Variants in PRKDC observed in about 807,000 individuals in gnomAD.
The protein encoded by PRKDC is protein kinase, DNA-activated, catalytic subunit, also known as DNA-dependent protein kinase catalytic subunit.
In PRKDC, 82 loss-of-function variants were observed where a neutral mutation model predicts 486.9. That is an observed-to-expected ratio of 0.17 (90% CI 0.14 to 0.20). PRKDC has a LOEUF of 0.20. Among genes scored for constraint, PRKDC ranks in the 10% least tolerant of loss-of-function variants. The pLI, the probability that PRKDC is intolerant of heterozygous loss-of-function variation, is 1.00. For missense variants in PRKDC, 4,504 were observed against 5,038.2 expected, an observed-to-expected ratio of 0.89 and a Z score of 3.21; for synonymous variants, 1,895 against 1,837.0, an observed-to-expected ratio of 1.03 and a Z score of -0.81.
At chr8:47,850,791 T>C (rs2088385688) in intron 52 of PRKDC, among the ~76,000 whole-genome samples, 1 of 151,968 alleles carries the variant, frequency 6.6e-6, no homozygotes, top group South Asian at 2.1e-4. Context: ...GTGGGAAGAG[T>C]GCGAGCCTCT....
chr8:47,880,171 C>T (rs1382115610), intron 38 of PRKDC, among the ~76,000 whole-genome samples: 1 of 152,120 alleles, frequency 6.6e-6, no homozygotes, highest in East Asian at 1.9e-4. Context: ...TTGACTCTTA[C>T]CCAGGCTAGT....
At chr8:47,905,365 A>G (rs905755967) in intron 25 of PRKDC, among the ~76,000 whole-genome samples, 1 of 152,168 alleles carries the variant, frequency 6.6e-6, no homozygotes, top group Non-Finnish European at 1.5e-5. Context: ...TCCATGATGA[A>G]GAGTCCAGCA....
intron 13 of PRKDC, 48 bp from the exon 14 acceptor site, chr8:47,935,106 G>T: frequency 8.0e-7 from 1 of 1,243,374 alleles, no homozygotes. Context: ...CTGAAAAACA[G>T]AATCAAAACT....
At chr8:47,819,710 A>G (rs1308493932) in intron 66 of PRKDC, among the ~76,000 whole-genome samples, 200 bp from the exon 67 acceptor site, 1 of 152,164 alleles carries the variant, frequency 6.6e-6, no homozygotes, top group African/African-American at 2.4e-5. Flanking sequence ...TAAGGTTTCA[A>G]TAACATTTTG....
intron 11 of PRKDC, 99 bp downstream of exon 11, chr8:47,939,452 T>G (rs1471562238): frequency 7.5e-7 from 1 of 1,342,126 alleles, no homozygotes; most frequent in Admixed American, 2.0e-5. Context: ...TCTACTGTAT[T>G]GTTACAAGTA....
intron 7 of PRKDC, among the ~76,000 whole-genome samples, chr8:47,952,314 G>A (rs901729247): frequency 3.9e-5 from 6 of 152,180 alleles, no homozygotes; most frequent in Admixed American, 3.3e-4. Flanking sequence ...GACATATCAG[G>A]ATATGGACAA....
Position 47,807,325 on chromosome 8 carries a change from A to T in PRKDC, c.9559T>A (p.Cys3187Ser). 6.5e-7 allele frequency: 1 copy of T among 1,542,610 alleles called. No homozygotes were observed. The highest frequency in any genetic ancestry group is 8.7e-7 in the Non-Finnish European group (1 of 1,143,140). The change falls in exon 69 of 86, where the codon TGT becomes AGT. Residue 3187 changes from cysteine to serine, a missense_variant and splice_region_variant. Coordinates refer to ENST00000314191, the MANE Select transcript of PRKDC (RefSeq NM_006904.7). ...NIWDDIITNR[C>S]FFLSKIEEKL... Reference sequence around the variant, plus strand: ...TCCTCTATTTTGCTGAGAAAGAAACATCTACACAAAGAAAAATGAGACAAT... The same window carrying T: ...TCCTCTATTTTGCTGAGAAAGAAACTTCTACACAAAGAAAAATGAGACAAT...
chr8:47,881,549 CATTTGT>C (rs1563782667), intron 37 of PRKDC, 29 bp from the exon 38 acceptor site: 2 of 1,142,654 alleles, frequency 1.8e-6, no homozygotes. Context: ...AAACAGGACA[CATTTGT>C]ATATTACATC....
Position 47,885,800 on chromosome 8 carries a change from G to A in PRKDC, c.4776+144C>T, listed in dbSNP as rs8178105. On this transcript the variant is annotated intron_variant, in intron 36 of 85. Coordinates refer to ENST00000314191, the MANE Select transcript of PRKDC (RefSeq NM_006904.7). ...CCAGCTACTCGGGAGGCTGAGGCAGGAGAATCGCTTCAATCTGGGATGCAG... is the reference window on the plus strand; with the variant it reads ...CCAGCTACTCGGGAGGCTGAGGCAGAAGAATCGCTTCAATCTGGGATGCAG... 0.017 allele frequency: 12,950 copies of A among 746,616 alleles called. 151 individuals carry two copies. Among genetic ancestry groups the A allele is most frequent in the Non-Finnish European group, 0.022 (10,271 of 465,520 alleles). The allele number at this position is 746,616 out of a possible 1,614,324, so 46.2% of individuals were successfully genotyped here.
chr8:47,919,580 G>T (rs989791853), intron 21 of PRKDC, among the ~76,000 whole-genome samples: 1 of 152,184 alleles, frequency 6.6e-6, no homozygotes, highest in African/African-American at 2.4e-5. Context: ...ACTCCAGCAA[G>T]TCTTCTCTTG....
Position 47,782,486 on chromosome 8 carries a change from C to T in PRKDC, c.11288G>A (p.Arg3763His), listed in dbSNP as rs771587412. 6.9e-5 allele frequency: 109 copies of T among 1,581,700 alleles called. No homozygotes were observed. Among genetic ancestry groups the T allele is most frequent in the Admixed American group, 1.3e-4 (7 of 55,078 alleles). The change falls in exon 79 of 86, where the codon CGC (arginine) becomes CAC (histidine). Residue 3763 changes from arginine to histidine, a missense_variant. Physicochemically the swap from Arg to His is conservative, Grantham distance 29. This residue lies in a region of PRKDC where 706 missense variants were observed against 945.0 expected (regional missense o/e 0.75). Coordinates refer to ENST00000314191, the MANE Select transcript of PRKDC (RefSeq NM_006904.7). The surrounding 1 kb of genome is among the most constrained non-coding windows in gnomAD (Gnocchi z 4.9). ...CATGACCTGGAAGAGCTGCTCCACG[C>T]GCTGGTCCTGCCGCAGGTCCTCGCC... Reference protein sequence around the residue: ...KGGEDLRQDQRVEQLFQVMNG... With the variant: ...KGGEDLRQDQHVEQLFQVMNG...
chr8:47,823,781 T>G (rs2087662342), intron 64 of PRKDC, 77 bp downstream of exon 64: 1 of 1,532,354 alleles, frequency 6.5e-7, no homozygotes, highest in African/African-American at 1.4e-5. Context: ...CTGTACCTCG[T>G]TTTGCTTAAA....
chr8:47,917,634 G>A (rs1323088125), intron 22 of PRKDC, among the ~76,000 whole-genome samples: 1 of 152,004 alleles, frequency 6.6e-6, no homozygotes, highest in East Asian at 1.9e-4. Context: ...AAAGAAAACT[G>A]GAACAAACTG....
chr8:47,798,923 C>T (rs1184444863), intron 72 of PRKDC, among the ~76,000 whole-genome samples: 3 of 151,974 alleles, frequency 2.0e-5, no homozygotes, highest in Non-Finnish European at 2.9e-5. Context: ...ATTCTCCTGC[C>T]CCAGCCTCCT....
chr8:47,911,080 G>C (rs796501709), intron 25 of PRKDC, among the ~76,000 whole-genome samples: 19 of 152,210 alleles, frequency 1.2e-4, no homozygotes, highest in African/African-American at 4.1e-4. Context: ...GTCCTTCTAT[G>C]ATTTTCTTAT....
chr8:47,789,744 T>C (rs1248527396), intron 74 of PRKDC, among the ~76,000 whole-genome samples: 3 of 152,164 alleles, frequency 2.0e-5, no homozygotes, highest in Admixed American at 6.5e-5. Context: ...GATGCAAGGA[T>C]AGATCAAATC....
Position 47,852,724 on chromosome 8 carries a change from A to G in PRKDC, c.6954T>C (p.Ala2318=), listed in dbSNP as rs1406003074. ...GTATAAGTCCTAGAACTTCTGCTGC[A>G]GCGGCATACACTTCTTTATATCTTA... ...SFVRYKEVYA[A]AAEVLGLILR... The change falls in exon 52 of 86, where the codon GCT becomes GCC. Residue 2318 remains alanine (A), a synonymous_variant. Transcript: ENST00000314191. 15 of 1,581,926 alleles carry G rather than the reference A, an allele frequency of 9.5e-6. No individual in the cohort carries two copies. The highest frequency in any genetic ancestry group is 1.2e-5 in the Non-Finnish European group (14 of 1,162,178).
At position 47,890,241 on chromosome 8, in the gene PRKDC, T is replaced by A; in HGVS notation, c.4071+16A>T. On this transcript the variant is annotated intron_variant, in intron 32 of 85. Transcript: ENST00000314191. ...CCAGTACCAAAAACTGACCTCAAAT[T>A]AACAGAGCAGCCTACCTTCCATCCT... 1 of 1,583,242 alleles carries A rather than the reference T, an allele frequency of 6.3e-7. No individual in the cohort carries two copies. Among genetic ancestry groups the A allele is most frequent in the Non-Finnish European group, 8.6e-7 (1 of 1,163,006 alleles).
At chr8:47,871,068 A>G (rs2088940488) in intron 40 of PRKDC, among the ~76,000 whole-genome samples, 1 of 152,194 alleles carries the variant, frequency 6.6e-6, no homozygotes, top group Non-Finnish European at 1.5e-5. Context: ...AAAACAATGA[A>G]GCATACCTAC....
Sources: gnomAD v4.1 joint callset for allele counts (sites outside exome capture counted in the v4.1 genomes callset) on GRCh38, gnomAD v4.1.1 for gene constraint, gnomAD v4.1.1 regional missense constraint, Gnocchi (gnomAD v3.1) non-coding constraint, MANE v1.5 for transcripts, NCBI Gene and HGNC (gene_info 2026-07-23, HGNC 2026-07-21) for gene names.